ARHGAP26: variants seen among roughly 807,000 people sequenced by gnomAD.
ARHGAP26 encodes rho GTPase-activating protein 26.
Under a neutral mutation model 104.8 loss-of-function variants are expected in ARHGAP26, and 38 were observed. The observed-to-expected ratio is 0.36, with a 90% CI of 0.28 to 0.48. The LOEUF (loss-of-function observed/expected upper bound fraction) is 0.48, where lower values mean the gene tolerates loss of function less well. Ranked by LOEUF, ARHGAP26 falls within the 20% of genes least tolerant of loss-of-function variation. The pLI, the probability that ARHGAP26 is intolerant of heterozygous loss-of-function variation, is 0.99. For missense variants in ARHGAP26, 704 were observed against 947.9 expected (o/e 0.74, Z 3.38); for synonymous variants, 341 against 340.0 (o/e 1.00, Z -0.03).
At chr5:143,023,804 G>A (rs1416055803) in intron 12 of ARHGAP26, among the ~76,000 whole-genome samples, 1 of 152,202 alleles carries the variant, frequency 6.6e-6, no homozygotes, top group Non-Finnish European at 1.5e-5. Context: ...TTCTCTCCAG[G>A]CCTGCCAGGT....
At chr5:143,088,335 T>C (rs1392236036) in intron 17 of ARHGAP26, among the ~76,000 whole-genome samples, 1 of 152,220 alleles carries the variant, frequency 6.6e-6, no homozygotes, top group African/African-American at 2.4e-5. Context: ...GTGGGACATA[T>C]ACGGTTGTAC....
chr5:143,222,356 A>G lies in ARHGAP26; in HGVS notation c.2192-2A>G. ...CTCGCTTTCTCTCCCCTTCCTGTACAGTTCACCCATCTCAGGAGCCTGGCT... is the reference window on the plus strand; with the variant it reads ...CTCGCTTTCTCTCCCCTTCCTGTACGGTTCACCCATCTCAGGAGCCTGGCT... On this transcript the variant is annotated splice_acceptor_variant, in intron 22 of 22. Coordinates refer to ENST00000645722, the MANE Select transcript of ARHGAP26 (RefSeq NM_001135608.3). LOFTEE classifies it high-confidence loss of function. The G allele has an allele frequency of 6.3e-7, 1 of 1,589,928 alleles. No individual in the cohort carries two copies.
intron 20 of ARHGAP26, among the ~76,000 whole-genome samples, chr5:143,201,057 A>G (rs1807641095): frequency 6.6e-6 from 1 of 152,224 alleles, no homozygotes; most frequent in South Asian, 2.1e-4. Flanking sequence ...CTAAACCGTT[A>G]TTCTTTCACT....
intron 17 of ARHGAP26, among the ~76,000 whole-genome samples, chr5:143,060,577 T>G (rs1786555508): frequency 6.6e-6 from 1 of 152,002 alleles, no homozygotes; most frequent in African/African-American, 2.4e-5. Flanking sequence ...TAGGCAACCA[T>G]GCACATATTT....
intron 11 of ARHGAP26, among the ~76,000 whole-genome samples, chr5:143,012,576 T>TATATATATATGTA (rs1554195628): frequency 8.8e-5 from 5 of 57,024 alleles, no homozygotes; most frequent in Non-Finnish European, 1.6e-4. Context: ...TATATATATA[T>TATATATATATGTA]TATGATCAGG....
intron 11 of ARHGAP26, among the ~76,000 whole-genome samples, chr5:142,943,735 C>G (rs899600489): frequency 6.6e-6 from 1 of 152,136 alleles, no homozygotes; most frequent in Non-Finnish European, 1.5e-5. Context: ...ACAAAAGCCC[C>G]TTTGATTGTC....
intron 1 of ARHGAP26, chr5:142,866,682 C>T (rs1754339896): frequency 6.6e-6 from 1 of 152,122 alleles, no homozygotes; most frequent in African/African-American, 2.4e-5. Context: ...CCTTAGTGCT[C>T]TGGTTGGAAA....
chr5:142,915,718 A>G (rs1331876652), intron 10 of ARHGAP26: 1 of 152,076 alleles, frequency 6.6e-6, no homozygotes, highest in East Asian at 1.9e-4. Flanking sequence ...ACCTCCTCTC[A>G]GTTTTCTATA....
chr5:143,085,383 G>A (rs1169963320), intron 17 of ARHGAP26, among the ~76,000 whole-genome samples: 1 of 152,120 alleles, frequency 6.6e-6, no homozygotes, highest in Admixed American at 6.6e-5. Context: ...GGTGGGTAAT[G>A]TAAAGAAATT....
chr5:143,183,345 C>A (rs1373534094), intron 20 of ARHGAP26, among the ~76,000 whole-genome samples: 1 of 152,130 alleles, frequency 6.6e-6, no homozygotes, highest in Non-Finnish European at 1.5e-5. Context: ...TAGGACCTGC[C>A]TGCTGATCTT....
rs1015046598 is a variant in ARHGAP26 at position 143,223,093 on chromosome 5, G to A, written c.*647G>A. On this transcript the variant is annotated 3_prime_UTR_variant, in exon 23 of 23. Transcript: ENST00000645722. ...ATGCACGGGAACACACACACCCTGC[G>A]TTTCTCCCTCCCAGGCTAGGAACCT... 2.1e-5 allele frequency: 5 copies of A among 233,524 alleles called. No individual in the cohort carries two copies. The highest frequency in any genetic ancestry group is 1.2e-4 in the East Asian group (2 of 16,570). The allele number at this position is 233,524 out of a possible 1,614,324, so 14.5% of individuals were successfully genotyped here.
At chr5:143,068,560 T>G (rs1403724087) in intron 17 of ARHGAP26, among the ~76,000 whole-genome samples, 3 of 152,178 alleles carry the variant, frequency 2.0e-5, no homozygotes, top group Non-Finnish European at 4.4e-5. Flanking sequence ...TTGAGTAGTT[T>G]CTCCCTCTTT....
chr5:142,913,870 C>T (rs757625217), intron 10 of ARHGAP26, among the ~76,000 whole-genome samples: 1 of 152,128 alleles, frequency 6.6e-6, no homozygotes, highest in Admixed American at 6.5e-5. Flanking sequence ...TATAGAGTCT[C>T]TCATTAAGTT....
chr5:143,045,825 C>T (rs1225533777), intron 14 of ARHGAP26, among the ~76,000 whole-genome samples: 1 of 152,082 alleles, frequency 6.6e-6, no homozygotes, highest in Non-Finnish European at 1.5e-5. Flanking sequence ...TGGTGAAACC[C>T]CATCTCTACT....
intron 1 of ARHGAP26, among the ~76,000 whole-genome samples, chr5:142,830,329 C>T (rs1768145430): frequency 6.6e-6 from 1 of 152,068 alleles, no homozygotes; most frequent in African/African-American, 2.4e-5. Context: ...ATTTATATAT[C>T]TTCTAATTAG....
In ARHGAP26 at chr5:142,800,369, C is replaced by CTT. The variant is rs200656496; in HGVS notation, c.154+29468_154+29469dup. Among the ~76,000 whole-genome samples, 695 of 142,078 alleles carry CTT rather than the reference C, an allele frequency of 4.9e-3. 7 individuals carry two copies. Among genetic ancestry groups the CTT allele is most frequent in the African/African-American group, 0.014 (553 of 38,946 alleles). 93.2% of individuals were successfully genotyped at this position (142,078 alleles called of 152,430 possible). ...AGAAGGCTGAGGTCTTTTTCTTTGT[C>CTT]TTTTTTTTTTTTTTTCTGAGATGGA... is the stretch of plus-strand genomic sequence containing the variant. On this transcript the variant is annotated intron_variant, in intron 1 of 22. Transcript: ENST00000645722.
At chr5:142,817,328 A>G (rs1037178786) in intron 1 of ARHGAP26, among the ~76,000 whole-genome samples, 7 of 152,232 alleles carry the variant, frequency 4.6e-5, no homozygotes, top group African/African-American at 1.7e-4. Context: ...CCACCTTCAC[A>G]GAGTCATTGT....
At chr5:142,886,746 G>A (rs944134728) in intron 5 of ARHGAP26, among the ~76,000 whole-genome samples, 8 of 151,838 alleles carry the variant, frequency 5.3e-5, no homozygotes, top group African/African-American at 1.9e-4. Flanking sequence ...TTATTTTCAC[G>A]AGATACAAAG....
chr5:142,924,976 A>G (rs577753470), intron 10 of ARHGAP26, among the ~76,000 whole-genome samples: 22 of 152,360 alleles, frequency 1.4e-4, no homozygotes, highest in African/African-American at 4.6e-4. Flanking sequence ...ATGATGACCT[A>G]GGGTGAAGCT....
Sources: allele counts gnomAD v4.1 joint callset (sites outside exome capture counted in the v4.1 genomes callset), GRCh38; gene constraint gnomAD v4.1.1; transcripts MANE v1.5; gene names NCBI Gene and HGNC (gene_info 2026-07-23, HGNC 2026-07-21).